Variants in ABI3BP observed in about 807,000 individuals in gnomAD.
ABI3BP encodes ABI family member 3 binding protein, also known as target of Nesh-SH3.
A neutral mutation model predicts 268.6 loss-of-function variants in ABI3BP; 216 were observed. That is an observed-to-expected ratio of 0.80 (90% CI 0.72 to 0.90). The LOEUF (loss-of-function observed/expected upper bound fraction) is 0.90, where lower values mean the gene tolerates loss of function less well. Ranked by LOEUF, ABI3BP falls within the 40% of genes least tolerant of loss-of-function variation. The pLI is 0.00. For missense variants in ABI3BP, 2,090 were observed against 2,182.4 expected (o/e 0.96, Z 0.84); for synonymous variants, 730 against 730.0 (o/e 1.00, Z 0.00).
chr3:100,869,026 A>G (rs1278127964), intron 9 of ABI3BP, among the ~76,000 whole-genome samples: 1 of 151,970 alleles, frequency 6.6e-6, no homozygotes, highest in Non-Finnish European at 1.5e-5. Context: ...CTTCTCTTTC[A>G]GTGTTCTCTT....
intron 56 of ABI3BP, 88 bp downstream of exon 56, chr3:100,789,366 G>T (rs2097136964): frequency 4.0e-6 from 5 of 1,259,914 alleles, no homozygotes; most frequent in Non-Finnish European, 5.6e-6. Context: ...CAATGTAAGG[G>T]TTCCCCTTTG....
Position 100,826,849 on chromosome 3 carries a change from A to C in ABI3BP, c.2603-1005T>G, listed in dbSNP as rs535785468. Among the ~76,000 whole-genome samples the C allele has an allele frequency of 1.8e-4, 27 of 152,284 alleles. 1 individual carries two copies. The East Asian group carries it at 4.8e-3, about 27-fold the overall frequency. On this transcript the variant is annotated intron_variant, in intron 34 of 67. Coordinates refer to ENST00000471714, the MANE Select transcript of ABI3BP (RefSeq NM_001375547.2). Reference sequence around the variant, plus strand: ...TGTGGAAGAAAGACTTTTGATGCTCATGAGAACAATGTCAGACTCAATGAA... The same window carrying C: ...TGTGGAAGAAAGACTTTTGATGCTCCTGAGAACAATGTCAGACTCAATGAA...
At position 100,855,718 on chromosome 3, in the gene ABI3BP, C is replaced by T. The variant is rs145482261; in HGVS notation, c.1286-3778G>A. Among the ~76,000 whole-genome samples the T allele has an allele frequency of 1.1e-3, 167 of 152,322 alleles. 5 individuals carry two copies. The East Asian group carries it at 0.031, about 29-fold the overall frequency. On this transcript the variant is annotated intron_variant, in intron 14 of 67. Coordinates refer to ENST00000471714, the MANE Select transcript of ABI3BP (RefSeq NM_001375547.2). ...ATCTCTTCCTCTACTACACAAATAC[C>T]TGGCATACACTTGTGTAGACATACC...
chr3:100,852,098 C>A (rs1187993836), intron 14 of ABI3BP, among the ~76,000 whole-genome samples, 158 bp from the exon 15 acceptor site: 1 of 152,194 alleles, frequency 6.6e-6, no homozygotes, highest in African/African-American at 2.4e-5. Context: ...TTGTCACTAA[C>A]ATCTAAGCAC....
At chr3:100,806,928 A>G (rs1319805487) in intron 50 of ABI3BP, among the ~76,000 whole-genome samples, 1 of 152,162 alleles carries the variant, frequency 6.6e-6, no homozygotes, top group African/African-American at 2.4e-5. Flanking sequence ...TAGTAAGTAC[A>G]AAGTACAGCT....
intron 1 of ABI3BP, among the ~76,000 whole-genome samples, chr3:100,960,688 C>T (rs528499744): frequency 6.6e-6 from 1 of 152,290 alleles, no homozygotes; most frequent in African/African-American, 2.4e-5. Context: ...AAGATTCAAC[C>T]CATAAGTGCG....
At chr3:100,956,950 G>C (rs1353380977) in intron 1 of ABI3BP, among the ~76,000 whole-genome samples, 1 of 152,198 alleles carries the variant, frequency 6.6e-6, no homozygotes, top group Non-Finnish European at 1.5e-5. Flanking sequence ...AACTGGGCTG[G>C]ATGGATAGGG....
In ABI3BP at chr3:100,801,723, C is replaced by T. The variant is rs150795257; in HGVS notation, c.3757+3069G>A. On this transcript the variant is annotated intron_variant, in intron 51 of 67. Coordinates refer to ENST00000471714, the MANE Select transcript of ABI3BP (RefSeq NM_001375547.2). ...CAAAGAATAAAATTACATAGTACATCCTTAAGGGGAAAAATAAGAAGCTTT... is the reference window on the plus strand; with the variant it reads ...CAAAGAATAAAATTACATAGTACATTCTTAAGGGGAAAAATAAGAAGCTTT... Among the ~76,000 whole-genome samples the T allele has an allele frequency of 4.9e-3, 742 of 152,032 alleles. 7 individuals carry two copies. Among genetic ancestry groups the T allele is most frequent in the African/African-American group, 0.017 (715 of 41,476 alleles).
intron 63 of ABI3BP, among the ~76,000 whole-genome samples, chr3:100,763,467 A>C (rs1368357066): frequency 6.6e-6 from 1 of 151,696 alleles, no homozygotes; most frequent in African/African-American, 2.4e-5. Context: ...CTGTCTCAAA[A>C]AAAAAAAAAA....
At chr3:100,783,956 G>T (rs1354475341) in intron 57 of ABI3BP, among the ~76,000 whole-genome samples, 3 of 152,166 alleles carry the variant, frequency 2.0e-5, no homozygotes, top group African/African-American at 7.2e-5. Context: ...GCTAAGCTGG[G>T]ACACGTCTCT....
In ABI3BP at chr3:100,854,407, G is replaced by C. The variant is rs536032865; in HGVS notation, c.1286-2467C>G. On this transcript the variant is annotated intron_variant, in intron 14 of 67. Transcript: ENST00000471714. ...CGGGGGAGAGGACAGTGTTGAAATAGAGTTCTTTGAAAAGCTCCCTAACAA... is the reference window on the plus strand; with the variant it reads ...CGGGGGAGAGGACAGTGTTGAAATACAGTTCTTTGAAAAGCTCCCTAACAA... Among the ~76,000 whole-genome samples the C allele has an allele frequency of 4.3e-4, 66 of 152,254 alleles. 1 individual carries two copies. The South Asian group carries it at 0.013, about 31-fold the overall frequency.
intron 1 of ABI3BP, among the ~76,000 whole-genome samples, chr3:100,977,893 T>C (rs1417024363): frequency 1.3e-5 from 2 of 152,214 alleles, no homozygotes; most frequent in Non-Finnish European, 2.9e-5. Flanking sequence ...AGATTTTTCA[T>C]GGACCATCTC....
chr3:100,868,923 T>A (rs1472008704), intron 9 of ABI3BP, among the ~76,000 whole-genome samples: 2 of 152,192 alleles, frequency 1.3e-5, no homozygotes, highest in Non-Finnish European at 2.9e-5. Flanking sequence ...ATTCAGATCA[T>A]GAATTTTTCA....
intron 40 of ABI3BP, among the ~76,000 whole-genome samples, chr3:100,819,889 A>G (rs867867784): frequency 8.2e-5 from 12 of 147,220 alleles, no homozygotes; most frequent in Middle Eastern, 3.5e-3. Context: ...TGGAGGTTGC[A>G]GTGAGCTGAG....
chr3:100,958,994 A>G (rs534922867), intron 1 of ABI3BP, among the ~76,000 whole-genome samples: 4 of 152,298 alleles, frequency 2.6e-5, no homozygotes, highest in Admixed American at 2.6e-4. Flanking sequence ...TATGGAGCAT[A>G]AACCTAACCC....
At chr3:100,872,194 C>T (rs2099116516) in intron 9 of ABI3BP, among the ~76,000 whole-genome samples, 1 of 152,146 alleles carries the variant, frequency 6.6e-6, no homozygotes, top group African/African-American at 2.4e-5. Flanking sequence ...AGTTTAAAAA[C>T]ATACTTACTA....
At chr3:100,953,089 C>A (rs1179560683) in intron 1 of ABI3BP, among the ~76,000 whole-genome samples, 1 of 152,122 alleles carries the variant, frequency 6.6e-6, no homozygotes, top group African/African-American at 2.4e-5. Flanking sequence ...GTAGGATGGG[C>A]TCATTCATTT....
chr3:100,835,146 A>G (rs2098554840), intron 28 of ABI3BP, among the ~76,000 whole-genome samples: 1 of 152,222 alleles, frequency 6.6e-6, no homozygotes, highest in South Asian at 2.1e-4. Context: ...GCTCAGACAC[A>G]CATTCCATTA....
intron 4 of ABI3BP, among the ~76,000 whole-genome samples, chr3:100,898,002 G>T (rs1360563443): frequency 3.9e-5 from 6 of 152,194 alleles, no homozygotes; most frequent in Non-Finnish European, 8.8e-5. Context: ...GTATGGTTCA[G>T]CATGTAGCAC....
Sources: gnomAD v4.1 joint callset for allele counts (sites outside exome capture counted in the v4.1 genomes callset) on GRCh38, gnomAD v4.1.1 for gene constraint, MANE v1.5 for transcripts, NCBI Gene and HGNC (gene_info 2026-07-23, HGNC 2026-07-21) for gene names.